The following MAP3K7CL variants were observed in gnomAD, a reference collection of about 807,000 sequenced individuals.
MAP3K7CL encodes the protein MAP3K7 C-terminal-like protein.
A neutral mutation model predicts 18.6 loss-of-function variants in MAP3K7CL; 16 were observed. The observed-to-expected ratio is 0.86, with a 90% CI of 0.58 to 1.31. MAP3K7CL has a LOEUF of 1.31. Ranked by LOEUF, MAP3K7CL falls within the 50% of genes most tolerant of loss-of-function variation. The pLI is 0.00. For missense variants in MAP3K7CL, 163 were observed against 174.4 expected, an observed-to-expected ratio of 0.93 and a Z score of 0.37; for synonymous variants, 65 against 66.8, an observed-to-expected ratio of 0.97 and a Z score of 0.13.
At chr21:29,105,850 C>G (rs2086312083) in intron 4 of MAP3K7CL, among the ~76,000 whole-genome samples, 1 of 152,124 alleles carries the variant, frequency 6.6e-6, no homozygotes, top group South Asian at 2.1e-4. Context: ...ATCCTGTACT[C>G]TGACTGTTGG....
At chr21:29,113,524 G>C (rs1547695) in intron 4 of MAP3K7CL, among the ~76,000 whole-genome samples, 3 of 151,858 alleles carry the variant, frequency 2.0e-5, no homozygotes, top group Non-Finnish European at 2.9e-5. Flanking sequence ...CATGATCTCA[G>C]CTCATTGCAA....
intron 4 of MAP3K7CL, chr21:29,109,581 C>T (rs2146554886): frequency 2.0e-6 from 2 of 1,012,466 alleles, no homozygotes; most frequent in Non-Finnish European, 2.4e-6. Context: ...TTATAAACTG[C>T]ACATTTAATG....
At chr21:29,144,053 G>C (rs950272284) in intron 2 of MAP3K7CL, among the ~76,000 whole-genome samples, 1 of 152,042 alleles carries the variant, frequency 6.6e-6, no homozygotes, top group Non-Finnish European at 1.5e-5. Context: ...TGTCCTAAAG[G>C]GATACTAATG....
chr21:29,111,203 C>T (rs1030376244), intron 4 of MAP3K7CL, among the ~76,000 whole-genome samples: 4 of 152,048 alleles, frequency 2.6e-5, no homozygotes, highest in African/African-American at 9.7e-5. Context: ...TTGCAGTGAG[C>T]CGAGATCACA....
chr21:29,108,458 A>G (rs1017576504), intron 4 of MAP3K7CL, among the ~76,000 whole-genome samples: 5 of 152,230 alleles, frequency 3.3e-5, no homozygotes, highest in African/African-American at 1.2e-4. Context: ...GCCTAAGCTG[A>G]CTAAAAGGTT....
At chr21:29,173,591 T>G (rs1299482745) in intron 4 of MAP3K7CL, among the ~76,000 whole-genome samples, 1 of 152,194 alleles carries the variant, frequency 6.6e-6, no homozygotes, top group Non-Finnish European at 1.5e-5. Flanking sequence ...AGAATTCAGT[T>G]AGATTTTGTC....
chr21:29,080,307 C>T (rs759879786), intron 1 of MAP3K7CL, among the ~76,000 whole-genome samples: 5 of 152,312 alleles, frequency 3.3e-5, no homozygotes, highest in African/African-American at 9.6e-5. Context: ...AAATAAGCCT[C>T]CACCAATTAG....
At chr21:29,114,045 A>T (rs2086464789) in intron 4 of MAP3K7CL, among the ~76,000 whole-genome samples, 2 of 152,080 alleles carry the variant, frequency 1.3e-5, no homozygotes, top group South Asian at 2.1e-4. Flanking sequence ...GGAGAGTTTT[A>T]TTCTAATTAA....
chr21:29,159,558 T>G (rs879478373), intron 3 of MAP3K7CL, among the ~76,000 whole-genome samples: 3 of 152,204 alleles, frequency 2.0e-5, no homozygotes, highest in Non-Finnish European at 2.9e-5. Flanking sequence ...AACAGACAAC[T>G]GAACTATTTC....
chr21:29,124,529 A>C (rs1255831401), intron 4 of MAP3K7CL, among the ~76,000 whole-genome samples: 1 of 152,230 alleles, frequency 6.6e-6, no homozygotes, highest in East Asian at 1.9e-4. Context: ...AACAGTGGCT[A>C]CACACACATC....
chr21:29,092,430 T>C (rs756231196), intron 3 of MAP3K7CL: 1 of 1,613,978 alleles, frequency 6.2e-7, no homozygotes. Flanking sequence ...GGCCTTGATC[T>C]TTATTTAGTA....
exon 1 of MAP3K7CL, chr21:29,085,910 A>G (rs1177301863): frequency 6.2e-7 from 1 of 1,614,040 alleles, no homozygotes; most frequent in Non-Finnish European, 8.5e-7. Context: ...GAGGCAGCAG[A>G]TCTTAAGGTA....
chr21:29,103,593 G>C (rs2086270106), intron 4 of MAP3K7CL, among the ~76,000 whole-genome samples: 1 of 152,134 alleles, frequency 6.6e-6, no homozygotes, highest in African/African-American at 2.4e-5. Context: ...GAATTAGCCA[G>C]GCGTGGTGGC....
At chr21:29,123,814 C>T (rs2146597790) in intron 4 of MAP3K7CL, among the ~76,000 whole-genome samples, 1 of 152,106 alleles carries the variant, frequency 6.6e-6, no homozygotes, top group Non-Finnish European at 1.5e-5. Context: ...TTTTGGGGTA[C>T]ACACTGGGAT....
chr21:29,092,611 T>C, intron 4 of MAP3K7CL: 2 of 1,611,054 alleles, frequency 1.2e-6, no homozygotes, highest in South Asian at 1.1e-5. Context: ...TCTGGAAGTC[T>C]CAGGTTCTGA....
intron 4 of MAP3K7CL, among the ~76,000 whole-genome samples, chr21:29,103,841 G>A (rs1016381407): frequency 6.6e-6 from 1 of 152,040 alleles, no homozygotes; most frequent in Non-Finnish European, 1.5e-5. Context: ...TGAGGCTGCA[G>A]TGAGCCAAGC....
intron 4 of MAP3K7CL, among the ~76,000 whole-genome samples, chr21:29,123,250 C>A (rs1601194979): frequency 6.6e-6 from 1 of 152,010 alleles, no homozygotes; most frequent in African/African-American, 2.4e-5. Flanking sequence ...TTTTAATAGA[C>A]ATGAGGTTTC....
chr21:29,140,214 T>C (rs1187210912), intron 2 of MAP3K7CL, among the ~76,000 whole-genome samples: 3 of 152,184 alleles, frequency 2.0e-5, no homozygotes, highest in Admixed American at 2.0e-4. Context: ...ATCAAATACT[T>C]ATAAAATCAG....
At position 29,151,050 on chromosome 21, in the gene MAP3K7CL, G is replaced by A. The variant is rs555578619; in HGVS notation, c.132+1800G>A. 2.2e-3 allele frequency among the ~76,000 whole-genome samples: 327 copies of A among 151,926 alleles called. 1 individual carries two copies. The highest frequency in any genetic ancestry group is 4.1e-3 in the Non-Finnish European group (280 of 67,912). ...CTCCCAAAGTGCTAGGATTGCAGGC[G>A]TGAGCCACGGCGCCTGGCCTGCATT... On this transcript the variant is annotated intron_variant, in intron 3 of 4. Transcript: ENST00000399928.
Sources: allele counts gnomAD v4.1 joint callset (sites outside exome capture counted in the v4.1 genomes callset), GRCh38; gene constraint gnomAD v4.1.1; transcripts MANE v1.5; gene names NCBI Gene and HGNC (gene_info 2026-07-23, HGNC 2026-07-21).